The following WDR62 variants were observed in gnomAD, a reference collection of about 807,000 sequenced individuals.
WDR62 encodes the protein WD repeat domain 62, also known as WD repeat-containing protein 62.
WDR62 carries 112 observed loss-of-function variants against 160.6 expected under a neutral mutation model. The ratio of observed to expected loss-of-function variants is 0.70; its 90% CI spans 0.60 to 0.82. The LOEUF is 0.82. WDR62 is among the 40% of genes least tolerant of loss of function. WDR62 has a pLI of 0.00. For missense variants in WDR62, 1,819 were observed against 1,983.8 expected, an observed-to-expected ratio of 0.92 and a Z score of 1.58; for synonymous variants, 792 against 815.1, an observed-to-expected ratio of 0.97 and a Z score of 0.48.
At chr19:36,088,266 A>G (rs1049062387) in intron 13 of WDR62, among the ~76,000 whole-genome samples, 1 of 152,172 alleles carries the variant, frequency 6.6e-6, no homozygotes, top group Non-Finnish European at 1.5e-5. Flanking sequence ...ATCTCACGCC[A>G]TTGCACTCCA....
chr19:36,077,256 T>TTTCC lies in WDR62; in HGVS notation c.1233+3744_1233+3747dup, dbSNP rs759605737. 5.3e-3 allele frequency among the ~76,000 whole-genome samples: 758 copies of TTTCC among 143,992 alleles called. 9 individuals carry two copies. The highest frequency in any genetic ancestry group is 8.1e-3 in the East Asian group (38 of 4,668). 94.5% of individuals were successfully genotyped at this position (143,992 alleles called of 152,430 possible). ...CTGAATCTTTTCTTTTCTCTCCTTC[T>TTTCC]TTCCTTCCTTCCTTCCTTCCTTTTT... On this transcript the variant is annotated intron_variant, in intron 9 of 31. Transcript: ENST00000401500.
At chr19:36,070,562 T>A (rs1044832179) in intron 7 of WDR62, 1 of 152,276 alleles carries the variant, frequency 6.6e-6, no homozygotes, top group African/African-American at 2.4e-5. Context: ...GCCCGAGCGT[T>A]GTGGTTTCCT....
intron 27 of WDR62, 45 bp from the exon 28 acceptor site, chr19:36,102,903 G>A: frequency 6.2e-7 from 1 of 1,614,154 alleles, no homozygotes; most frequent in Non-Finnish European, 8.5e-7. Context: ...CAGTGCCCCA[G>A]GGCAGGCTGA....
chr19:36,091,144 T>A, intron 16 of WDR62, 56 bp from the exon 17 acceptor site: 2 of 1,504,362 alleles, frequency 1.3e-6, no homozygotes, highest in Non-Finnish European at 1.8e-6. Flanking sequence ...GGCCCAGGCC[T>A]CATCATAAGG....
In WDR62 at chr19:36,092,821, G is replaced by A. The variant is rs1972712719; in HGVS notation, c.2333+10G>A. 6.2e-7 allele frequency: 1 copy of A among 1,613,800 alleles called. No individual in the cohort carries two copies. The highest frequency in any genetic ancestry group is 8.5e-7 in the Non-Finnish European group (1 of 1,179,894). Reference sequence around the variant, plus strand: ...GGAGTGGCCACCCCAGGTCCTGGCAGCCCCTGCCTGTCCACCAGAGGGATG... The same window carrying A: ...GGAGTGGCCACCCCAGGTCCTGGCAACCCCTGCCTGTCCACCAGAGGGATG... On this transcript the variant is annotated intron_variant, in intron 19 of 31. Transcript: ENST00000401500.
intron 9 of WDR62, among the ~76,000 whole-genome samples, chr19:36,080,103 TA>T (rs1240200411): frequency 1.4e-5 from 2 of 143,472 alleles, no homozygotes; most frequent in Non-Finnish European, 3.0e-5. Context: ...TTAATGTTTT[TA>T]TTTTTTTATT....
rs1973194552 is a variant in WDR62 at position 36,099,510 on chromosome 19, G to A, written c.2632G>A (p.Asp878Asn). The A allele has an allele frequency of 6.2e-7, 1 of 1,614,078 alleles. No individual in the cohort carries two copies. The highest frequency in any genetic ancestry group is 1.7e-5 in the Admixed American group (1 of 60,016). ...CCAAGAGCCCCTCAAGACCATCCTGGATGCCCAGGACCTGGATTGCTACTT... is the reference window on the plus strand; with the variant it reads ...CCAAGAGCCCCTCAAGACCATCCTGAATGCCCAGGACCTGGATTGCTACTT... Reference protein sequence around the residue: ...AGQEPLKTILDAQDLDCYFTP... With the variant: ...AGQEPLKTILNAQDLDCYFTP... The change falls in exon 22 of 32, where the codon GAT becomes AAT. Residue 878 changes from aspartate to asparagine, a missense_variant. Physicochemically the swap from Asp to Asn is conservative, Grantham distance 23. Around this residue, in one of 3 missense-constraint regions of WDR62, gnomAD observed 934 missense variants for 1,157.2 expected, o/e 0.81. Transcript: ENST00000401500.
rs1286116764 is a variant in WDR62, at chr19:36,059,827, C to G, written c.270-141C>G. The stretch of plus-strand genomic sequence containing the variant: ...AGTGCCCTAGAATTCTCAGCGTAAA[C>G]ACCTGGAGGAGGGGGAGGAGGAGGA... On this transcript the variant is annotated intron_variant, in intron 2 of 31. Transcript: ENST00000401500. 3 of 840,896 alleles carry G rather than the reference C, an allele frequency of 3.6e-6. No homozygotes were observed. The Admixed American group carries it at 5.5e-5, about 15-fold the overall frequency. The allele number at this position is 840,896 out of a possible 1,614,324, so 52.1% of individuals were successfully genotyped here.
intron 20 of WDR62, among the ~76,000 whole-genome samples, chr19:36,094,508 C>T (rs919285808): frequency 3.3e-5 from 5 of 151,606 alleles, no homozygotes; most frequent in Non-Finnish European, 5.9e-5. Context: ...GAGCTGAGAT[C>T]GCGCCACTGC....
intron 9 of WDR62, 44 bp from the exon 10 acceptor site, chr19:36,081,389 G>C: frequency 6.2e-7 from 1 of 1,611,122 alleles, no homozygotes. Context: ...AAGTCATAGT[G>C]CTGTCATTGA....
intron 13 of WDR62, among the ~76,000 whole-genome samples, chr19:36,087,430 C>T (rs560083544): frequency 1.3e-5 from 2 of 151,200 alleles, no homozygotes; most frequent in East Asian, 1.9e-4. Flanking sequence ...TTGTGTGAAC[C>T]CGGGAGGCGG....
intron 9 of WDR62, among the ~76,000 whole-genome samples, chr19:36,076,862 T>TATATTTACAGGATCTGA (rs1309953280): frequency 6.6e-6 from 1 of 152,202 alleles, no homozygotes; most frequent in Non-Finnish European, 1.5e-5. Context: ...ATAGTTATAC[T>TATATTTACAGGATCTGA]ATATTTACAG....
chr19:36,071,471 CCTAAGGCTGCT>C, intron 7 of WDR62, 74 bp from the exon 8 acceptor site: 1 of 1,520,588 alleles, frequency 6.6e-7, no homozygotes, highest in East Asian at 2.3e-5. Context: ...TCTCTGGAGG[CCTAAGGCTGCT>C]CTGTCAGTCC....
chr19:36,060,584 T>G (rs557886168), intron 3 of WDR62: 2 of 166,162 alleles, frequency 1.2e-5, no homozygotes, highest in Admixed American at 5.6e-5. Flanking sequence ...CCCGTAGGCC[T>G]TGCAGCCTTG....
chr19:36,056,406 G>A (rs1317333606), intron 1 of WDR62, among the ~76,000 whole-genome samples: 1 of 152,070 alleles, frequency 6.6e-6, no homozygotes, highest in Non-Finnish European at 1.5e-5. Context: ...GCCTGCTTTT[G>A]GTTTTCCTGA....
At chr19:36,072,355 G>A (rs761275076) in intron 8 of WDR62, among the ~76,000 whole-genome samples, 8 of 152,226 alleles carry the variant, frequency 5.3e-5, no homozygotes, top group Non-Finnish European at 1.0e-4. Context: ...TGTGGCCAGA[G>A]CCCAGTGTGT....
At position 36,104,956 on chromosome 19, in the gene WDR62, C is replaced by T. The variant is rs1490614596; in HGVS notation, c.4500C>T (p.Asp1500=). 6.2e-7 allele frequency: 1 copy of T among 1,606,310 alleles called. No individual in the cohort carries two copies. Among genetic ancestry groups the T allele is most frequent in the Admixed American group, 1.7e-5 (1 of 59,676 alleles). The change falls in exon 32 of 32, where the codon GAC becomes GAT. Residue 1500 remains aspartate (D), a synonymous_variant. Coordinates refer to ENST00000401500, the MANE Select transcript of WDR62 (RefSeq NM_001083961.2). ...PPTLYPLASP[D]LQALLEHYSE... The stretch of plus-strand genomic sequence containing the variant: ...CGCTGTACCCCCTGGCCAGCCCAGA[C>T]CTGCAGGCCCTGCTGGAACACTACT...
rs551183898 is a variant in WDR62, at chr19:36,068,682, A to G, written c.882+672A>G. 1.9e-3 allele frequency among the ~76,000 whole-genome samples: 286 copies of G among 152,390 alleles called. 3 individuals carry two copies. The highest frequency in any genetic ancestry group is 6.7e-3 in the African/African-American group (277 of 41,594). On this transcript the variant is annotated intron_variant, in intron 7 of 31. Transcript: ENST00000401500. ...AGAGCACAGGGTTGGGGGTAAGGTC[A>G]TAGATCAACAGCATCCCAAGGCAGA...
At position 36,103,905 on chromosome 19, in the gene WDR62, C is replaced by A. The variant is rs564143230; in HGVS notation, c.4077C>A (p.His1359Gln). 5 of 1,599,534 alleles carry A rather than the reference C, an allele frequency of 3.1e-6. No individual in the cohort carries two copies. Among genetic ancestry groups the A allele is most frequent in the East Asian group, 2.2e-5 (1 of 44,880 alleles). The change falls in exon 30 of 32, where the codon CAC (histidine) becomes CAA (glutamine). Residue 1359 changes from histidine to glutamine, a missense_variant. Physicochemically the swap from His to Gln is conservative, Grantham distance 24. This residue lies in a region of WDR62 where 770 missense variants were observed against 734.2 expected (regional missense o/e 1.05). Coordinates refer to ENST00000401500, the MANE Select transcript of WDR62 (RefSeq NM_001083961.2). ...CTGAGTCCCCTGGCCTTCCTGCCCA[C>A]CCCAGTAACCCCCAGCTTCCAGAGG... is the stretch of plus-strand genomic sequence containing the variant. ...PAPESPGLPA[H>Q]PSNPQLPEAR...
Sources: allele counts gnomAD v4.1 joint callset (sites outside exome capture counted in the v4.1 genomes callset), GRCh38; gene constraint gnomAD v4.1.1; regional missense constraint gnomAD v4.1.1; transcripts MANE v1.5; gene names NCBI Gene and HGNC (gene_info 2026-07-23, HGNC 2026-07-21).